CFH: variants seen among roughly 807,000 people sequenced by gnomAD.
The protein encoded by CFH is H factor 1 (complement).
CFH carries 53 observed loss-of-function variants against 147.3 expected under a neutral mutation model. The observed-to-expected ratio is 0.36, with a 90% CI of 0.29 to 0.45. CFH has a LOEUF of 0.45. Among genes scored for constraint, CFH ranks in the 20% least tolerant of loss-of-function variants. The probability of loss-of-function intolerance (pLI) is 1.00; values close to 1 mark genes in which losing one functional copy is unlikely to be tolerated. For synonymous variants in CFH, 536 were observed against 489.4 expected (o/e 1.10, Z -1.26); for missense variants, 1,380 against 1,498.0 (o/e 0.92, Z 1.30).
chr1:196,674,930 A>T (rs148446145), intron 3 of CFH, among the ~76,000 whole-genome samples: 191 of 152,308 alleles, frequency 1.3e-3, no homozygotes, highest in African/African-American at 4.4e-3. Context: ...TATAGTAGAT[A>T]CCAAATAAGT....
chr1:196,711,792 T>C (rs1256147864), intron 9 of CFH, among the ~76,000 whole-genome samples: 1 of 152,066 alleles, frequency 6.6e-6, no homozygotes, highest in Non-Finnish European at 1.5e-5. Context: ...ATCCTTTACC[T>C]TTTTGTTCTC....
chr1:196,743,790 T>G (rs1194490017), intron 20 of CFH, among the ~76,000 whole-genome samples, 162 bp downstream of exon 20: 7 of 152,142 alleles, frequency 4.6e-5, no homozygotes, highest in Non-Finnish European at 1.0e-4. Context: ...AGAACACAAG[T>G]AATAGGGTAT....
At chr1:196,713,702 T>A (rs1033280896) in intron 9 of CFH, 33 bp from the exon 10 acceptor site, 4 of 1,326,586 alleles carry the variant, frequency 3.0e-6, no homozygotes, top group Non-Finnish European at 4.3e-6. Flanking sequence ...ATTGATCATA[T>A]GCTTGTCTTT....
At chr1:196,737,738 A>C (rs1183761282) in intron 17 of CFH, 78 bp downstream of exon 17, 1 of 1,177,508 alleles carries the variant, frequency 8.5e-7, no homozygotes, top group African/African-American at 1.5e-5. Flanking sequence ...AAGTGAGGGG[A>C]ATAATTGAGA....
At chr1:196,673,192 A>G in intron 2 of CFH, 29 bp downstream of exon 2, 6 of 1,580,456 alleles carry the variant, frequency 3.8e-6, no homozygotes, top group Non-Finnish European at 5.2e-6. Context: ...TGTGAAATTT[A>G]TGAAAACTAG....
At chr1:196,655,460 G>A (rs945194641) in intron 1 of CFH, among the ~76,000 whole-genome samples, 1 of 152,180 alleles carries the variant, frequency 6.6e-6, no homozygotes, top group Non-Finnish European at 1.5e-5. Flanking sequence ...AAATATCTAA[G>A]TATTGCTAAC....
chr1:196,652,124 C>G lies in CFH; in HGVS notation c.7C>G (p.Leu3Val), dbSNP rs139254423. The part of the protein sequence containing the change: MR[L>V]LAKIICLMLW... ...CTCTTAAAAGATCCAAAAAATGAGA[C>G]TTCTAGCAAAGATTATTTGCCTTAT... Residue 3 changes from leucine (L) to valine (V), a missense_variant, in exon 1 of 22, where the codon CTT becomes GTT. Around this residue, in one of 4 missense-constraint regions of CFH, gnomAD observed 260 missense variants for 263.3 expected, o/e 0.99. Transcript: ENST00000367429. 305 of 1,610,348 alleles carry G rather than the reference C, an allele frequency of 1.9e-4. 5 individuals carry two copies. The highest frequency in any genetic ancestry group is 1.8e-3 in the Middle Eastern group (11 of 6,058).
chr1:196,746,982 T>C (rs1266941605), intron 21 of CFH, 129 bp from the exon 22 acceptor site: 2 of 1,472,024 alleles, frequency 1.4e-6, no homozygotes, highest in Admixed American at 3.8e-5. Context: ...TGTTTCTACA[T>C]AGTTGGTTTG....
chr1:196,680,675 T>A (rs772307550), intron 6 of CFH, among the ~76,000 whole-genome samples: 3 of 151,770 alleles, frequency 2.0e-5, no homozygotes, highest in Non-Finnish European at 2.9e-5. Context: ...GGTCCAGAAA[T>A]CTAAAAGGGT....
At chr1:196,667,663 A>G (rs552995417) in intron 1 of CFH, among the ~76,000 whole-genome samples, 61 of 152,204 alleles carry the variant, frequency 4.0e-4, no homozygotes, top group African/African-American at 1.3e-3. Context: ...TAGTATGGTG[A>G]TGAATCCATT....
chr1:196,688,037 T>C (rs1308178410), intron 7 of CFH, among the ~76,000 whole-genome samples: 2 of 151,786 alleles, frequency 1.3e-5, no homozygotes, highest in Admixed American at 1.3e-4. Flanking sequence ...AATCACAGAA[T>C]TTAAGAAAGA....
intron 1 of CFH, among the ~76,000 whole-genome samples, chr1:196,665,322 C>T (rs1490886296): frequency 1.3e-5 from 2 of 150,170 alleles, no homozygotes; most frequent in Non-Finnish European, 3.0e-5. Context: ...TGCATTAAGC[C>T]TTCCTTTTTT....
chr1:196,673,136 G>C lies in CFH; in HGVS notation c.217G>C (p.Ala73Pro). 6.2e-7 allele frequency: 1 copy of C among 1,613,516 alleles called. No individual in the cohort carries two copies. Among genetic ancestry groups the C allele is most frequent in the East Asian group, 2.2e-5 (1 of 44,848 alleles). ...GGTATGCAGGAAGGGAGAATGGGTT[G>C]CTCTTAATCCATTAAGGAAATGTCA... ...IMVCRKGEWV[A>P]LNPLRKCQKR... Residue 73 changes from alanine to proline, a missense_variant, in exon 2 of 22, where the codon GCT (alanine) becomes CCT (proline). Physicochemically the swap from Ala to Pro is conservative, Grantham distance 27. Around this residue, in one of 4 missense-constraint regions of CFH, gnomAD observed 260 missense variants for 263.3 expected, o/e 0.99. Transcript: ENST00000367429.
chr1:196,725,022 A>G (rs1669102812), intron 11 of CFH, 99 bp from the exon 12 acceptor site: 1 of 961,704 alleles, frequency 1.0e-6, no homozygotes. Flanking sequence ...GCCCCTCTGT[A>G]TGACCCAATA....
intron 11 of CFH, among the ~76,000 whole-genome samples, chr1:196,723,542 A>G (rs381974): frequency 0.66 from 99,568 of 151,972 alleles, 33,397 homozygotes; most frequent in East Asian, 0.95. Flanking sequence ...AGTAGGTGGC[A>G]CGGACAGGTA....
chr1:196,728,296 G>T, intron 14 of CFH, 50 bp from the exon 15 acceptor site: 1 of 1,170,138 alleles, frequency 8.5e-7, no homozygotes, highest in Non-Finnish European at 1.2e-6. Context: ...TGTAATAGTT[G>T]GTTTGATTCC....
At chr1:196,737,721 G>C in intron 17 of CFH, 61 bp downstream of exon 17, 5 of 1,387,400 alleles carry the variant, frequency 3.6e-6, no homozygotes, top group Non-Finnish European at 5.1e-6. Flanking sequence ...ATAATCTCTT[G>C]TTATCAAAGT....
At position 196,667,749 on chromosome 1, in the gene CFH, C is replaced by T. The variant is rs563982488; in HGVS notation, c.59-5229C>T. On this transcript the variant is annotated intron_variant, in intron 1 of 21. Transcript: ENST00000367429. ...TACTTACTTTTGCCTCAATTTTTCT[C>T]TCTTCTTTTCCTGCCTTCTCTTATT... Among the ~76,000 whole-genome samples the T allele has an allele frequency of 1.4e-4, 22 of 152,166 alleles. No individual in the cohort carries two copies. In the South Asian group the frequency reaches 2.5e-3, roughly 17 times the overall value.
chr1:196,697,069 C>T (rs1295289563), intron 9 of CFH, among the ~76,000 whole-genome samples: 2 of 151,688 alleles, frequency 1.3e-5, no homozygotes, highest in South Asian at 2.1e-4. Context: ...AAAACCTAGG[C>T]AATACCATTC....
Sources: gnomAD v4.1 joint callset for allele counts (sites outside exome capture counted in the v4.1 genomes callset) on GRCh38, gnomAD v4.1.1 for gene constraint, gnomAD v4.1.1 regional missense constraint, MANE v1.5 for transcripts, NCBI Gene and HGNC (gene_info 2026-07-23, HGNC 2026-07-21) for gene names.